CUEDC1: variants seen among roughly 807,000 people sequenced by gnomAD.
The protein encoded by CUEDC1 is CUE domain-containing protein 1.
In CUEDC1, 30 loss-of-function variants were observed where a neutral mutation model predicts 43.7. The observed-to-expected ratio is 0.69, with a 90% CI of 0.51 to 0.93. The LOEUF (loss-of-function observed/expected upper bound fraction) is 0.93, where lower values mean the gene tolerates loss of function less well. Among genes scored for constraint, CUEDC1 ranks in the 40% least tolerant of loss-of-function variants. CUEDC1 has a pLI of 0.00. For synonymous variants in CUEDC1, 223 were observed against 223.6 expected, an observed-to-expected ratio of 1.00 and a Z score of 0.02; for missense variants, 486 against 549.0, an observed-to-expected ratio of 0.89 and a Z score of 1.15.
chr17:57,900,827 T>G (rs1418664335), intron 1 of CUEDC1, among the ~76,000 whole-genome samples: 1 of 152,246 alleles, frequency 6.6e-6, no homozygotes, highest in East Asian at 1.9e-4. Context: ...CATCTCTGCC[T>G]GTTCTGCTCA....
At chr17:57,867,322 A>G (rs1431703771) in intron 9 of CUEDC1, 35 bp downstream of exon 9, 1 of 1,543,276 alleles carries the variant, frequency 6.5e-7, no homozygotes, top group Non-Finnish European at 8.8e-7. Context: ...CCGATCATAG[A>G]GAAGTTGGAG....
intron 1 of CUEDC1, among the ~76,000 whole-genome samples, chr17:57,892,888 C>T (rs2074370307): frequency 6.6e-6 from 1 of 152,244 alleles, no homozygotes; most frequent in Non-Finnish European, 1.5e-5. Context: ...AGCCCTCATC[C>T]TTGGCAGACA....
At chr17:57,864,065 A>C (rs1386966232) in intron 10 of CUEDC1, among the ~76,000 whole-genome samples, 1 of 152,186 alleles carries the variant, frequency 6.6e-6, no homozygotes, top group South Asian at 2.1e-4. Context: ...GAGCACAGGA[A>C]AAATGGAACT....
At chr17:57,880,429 C>G (rs1472314395) in intron 2 of CUEDC1, among the ~76,000 whole-genome samples, 2 of 152,168 alleles carry the variant, frequency 1.3e-5, no homozygotes, top group Non-Finnish European at 2.9e-5. Context: ...ACAAGGGTCC[C>G]TCCTTCAGGC....
At chr17:57,951,679 G>A (rs932337184) in intron 1 of CUEDC1, among the ~76,000 whole-genome samples, 2 of 151,964 alleles carry the variant, frequency 1.3e-5, no homozygotes, top group East Asian at 3.9e-4. Context: ...GGCTGGTCTC[G>A]AACTCCTGAC....
At position 57,889,304 on chromosome 17, in the gene CUEDC1, C is replaced by T. The variant is rs555141265; in HGVS notation, c.-315-3425G>A. ...GTGGGTAAATTGGCCAAGCTGCCCT[C>T]ACAGGGGGGATGGGGTAGGGAGATT... On this transcript the variant is annotated intron_variant, in intron 1 of 10. Transcript: ENST00000577830. Among the ~76,000 whole-genome samples the T allele has an allele frequency of 4.7e-4, 72 of 152,298 alleles. 1 individual carries two copies. Among genetic ancestry groups the T allele is most frequent in the African/African-American group, 1.7e-3 (70 of 41,548 alleles).
At chr17:57,944,502 G>A (rs765080951) in intron 1 of CUEDC1, among the ~76,000 whole-genome samples, 12 of 152,180 alleles carry the variant, frequency 7.9e-5, no homozygotes, top group Non-Finnish European at 1.3e-4. Flanking sequence ...GAGCCACTGC[G>A]CCTGGCCATT....
intron 1 of CUEDC1, among the ~76,000 whole-genome samples, chr17:57,936,359 G>A (rs1410310948): frequency 6.6e-6 from 1 of 152,214 alleles, no homozygotes; most frequent in Non-Finnish European, 1.5e-5. Flanking sequence ...CCCTCCAATT[G>A]CTCTGTGGTC....
At chr17:57,863,385 C>G (rs1042162022) in intron 10 of CUEDC1, 100 bp from the exon 11 acceptor site, 1 of 152,234 alleles carries the variant, frequency 6.6e-6, no homozygotes, top group Non-Finnish European at 1.5e-5. Flanking sequence ...GGAGAAGTTA[C>G]TAAAGACGTA....
chr17:57,899,053 G>C (rs1272119816), intron 1 of CUEDC1, among the ~76,000 whole-genome samples: 4 of 151,830 alleles, frequency 2.6e-5, no homozygotes, highest in Admixed American at 6.6e-5. Context: ...AGGAATGTAG[G>C]CCCAGGACAG....
chr17:57,949,777 T>C (rs2143245531), intron 1 of CUEDC1, among the ~76,000 whole-genome samples: 1 of 152,018 alleles, frequency 6.6e-6, no homozygotes, highest in Non-Finnish European at 1.5e-5. Flanking sequence ...TTGCCCAGGC[T>C]GGTTTAGAAC....
At chr17:57,921,620 C>T (rs1438373981) in intron 1 of CUEDC1, among the ~76,000 whole-genome samples, 2 of 152,226 alleles carry the variant, frequency 1.3e-5, no homozygotes, top group African/African-American at 4.8e-5. Flanking sequence ...TGCAGGCTCA[C>T]GAGGGCTGGG....
intron 1 of CUEDC1, among the ~76,000 whole-genome samples, chr17:57,918,660 T>C (rs1429484144): frequency 6.6e-6 from 1 of 152,232 alleles, no homozygotes. Flanking sequence ...ATGATTTGGC[T>C]GGCTGGTCTA....
chr17:57,891,803 AG>A, intron 1 of CUEDC1, among the ~76,000 whole-genome samples: 2 of 152,254 alleles, frequency 1.3e-5, no homozygotes, highest in East Asian at 3.9e-4. Context: ...CATCACCTTG[AG>A]GGGGAACAGA....
chr17:57,868,573 C>T (rs559749810), intron 7 of CUEDC1: 15 of 379,986 alleles, frequency 3.9e-5, no homozygotes, highest in East Asian at 1.1e-4. Context: ...GCTTTCCCGC[C>T]GCCACCGCCT....
chr17:57,924,347 G>A (rs2074725575), intron 1 of CUEDC1, among the ~76,000 whole-genome samples: 1 of 152,090 alleles, frequency 6.6e-6, no homozygotes, highest in African/African-American at 2.4e-5. Flanking sequence ...CTCGTGATCT[G>A]CCCGCCTCGG....
intron 1 of CUEDC1, among the ~76,000 whole-genome samples, chr17:57,942,312 G>A (rs1258143120): frequency 6.6e-6 from 1 of 152,052 alleles, no homozygotes; most frequent in African/African-American, 2.4e-5. Context: ...ACCTTCATGG[G>A]GTGCGAATGG....
chr17:57,877,446 A>T (rs569803012), intron 3 of CUEDC1, among the ~76,000 whole-genome samples: 2 of 152,216 alleles, frequency 1.3e-5, no homozygotes, highest in African/African-American at 2.4e-5. Context: ...CATGGGCAAC[A>T]TAGTGAGACC....
At chr17:57,872,565 C>T in intron 5 of CUEDC1, 98 bp downstream of exon 5, 1 of 1,366,184 alleles carries the variant, frequency 7.3e-7, no homozygotes, top group Non-Finnish European at 1.0e-6. Flanking sequence ...CACCTGGCCC[C>T]CTCAGCCCCC....
Sources: allele counts gnomAD v4.1 joint callset (sites outside exome capture counted in the v4.1 genomes callset), GRCh38; gene constraint gnomAD v4.1.1; transcripts MANE v1.5; gene names NCBI Gene and HGNC (gene_info 2026-07-23, HGNC 2026-07-21).